Variants in TMEM72 observed in about 807,000 individuals in gnomAD.
TMEM72 encodes transmembrane protein 72.
In TMEM72, 9 loss-of-function variants were observed where a neutral mutation model predicts 16.3. The ratio of observed to expected loss-of-function variants is 0.55; its 90% CI spans 0.33 to 0.96. The LOEUF is 0.96. Ranked by LOEUF, TMEM72 falls within the 40% of genes least tolerant of loss-of-function variation. TMEM72 has a pLI of 0.03. For synonymous variants in TMEM72, 160 were observed against 146.5 expected, an observed-to-expected ratio of 1.09 and a Z score of -0.66; for missense variants, 324 against 337.8, an observed-to-expected ratio of 0.96 and a Z score of 0.32.
Position 44,934,915 on chromosome 10 carries a change from C to A in TMEM72, c.609C>A (p.Asn203Lys), listed in dbSNP as rs1401967552. The change falls in exon 5 of 5, where the codon AAC becomes AAA. Residue 203 changes from asparagine to lysine, a missense_variant. By Grantham distance (94) the Asn-to-Lys change is moderately conservative. Transcript: ENST00000389583. Reference sequence around the variant, plus strand: ...AGCCCAGTGCCCTCCAGCCCCCCAACACCCTGATGGAGCTGAGCCTGGAGC... The same window carrying A: ...AGCCCAGTGCCCTCCAGCCCCCCAAAACCCTGATGGAGCTGAGCCTGGAGC... ...TKKPSALQPP[N>K]TLMELSLEPA... 1 of 1,613,610 alleles carries A rather than the reference C, an allele frequency of 6.2e-7. No individual in the cohort carries two copies. The highest frequency in any genetic ancestry group is 8.5e-7 in the Non-Finnish European group (1 of 1,179,856).
chr10:44,931,900 G>T lies in TMEM72; in HGVS notation c.138-98G>T. ...GGGAATCCAGGTGAGTCCATTGGCT[G>T]TAGATGTGATGTCAGGAGGCCACGT... is the stretch of plus-strand genomic sequence containing the variant. On this transcript the variant is annotated intron_variant, in intron 2 of 4. Coordinates refer to ENST00000389583, the MANE Select transcript of TMEM72 (RefSeq NM_001123376.3). 3.3e-6 allele frequency: 4 copies of T among 1,219,852 alleles called. No homozygotes were observed. In the South Asian group the frequency reaches 5.3e-5, roughly 16 times the overall value. The allele number at this position is 1,219,852 out of a possible 1,614,324, so 75.6% of individuals were successfully genotyped here.
At chr10:44,923,337 CTT>C (rs1243820730) in intron 1 of TMEM72, 5 of 137,308 alleles carry the variant, frequency 3.6e-5, no homozygotes, top group Non-Finnish European at 8.1e-5. Context: ...CTCTCTCTCT[CTT>C]TCTCTTCCTT....
At chr10:44,926,545 A>G (rs989571161) in intron 1 of TMEM72, among the ~76,000 whole-genome samples, 1 of 152,126 alleles carries the variant, frequency 6.6e-6, no homozygotes, top group African/African-American at 2.4e-5. Context: ...GCCCACTAGC[A>G]TCATCTGTCC....
intron 1 of TMEM72, among the ~76,000 whole-genome samples, chr10:44,926,616 G>A (rs184651713): frequency 5.9e-5 from 9 of 152,292 alleles, no homozygotes; most frequent in African/African-American, 1.7e-4. Context: ...CTCGGTGTCC[G>A]CCTCCTGTGA....
rs771050531 is a variant in TMEM72 at position 44,934,923 on chromosome 10, T to G, written c.617T>G (p.Met206Arg). The G allele has an allele frequency of 1.2e-6, 2 of 1,613,568 alleles. No homozygotes were observed. The highest frequency in any genetic ancestry group is 2.7e-5 in the African/African-American group (2 of 74,920). ...PSALQPPNTL[M>R]ELSLEPADSL... ...GCCCTCCAGCCCCCCAACACCCTGATGGAGCTGAGCCTGGAGCCAGCCGAC... is the reference window on the plus strand; with the variant it reads ...GCCCTCCAGCCCCCCAACACCCTGAGGGAGCTGAGCCTGGAGCCAGCCGAC... The change falls in exon 5 of 5, where the codon ATG becomes AGG. Residue 206 changes from methionine to arginine, a missense_variant. By Grantham distance (91) the Met-to-Arg change is moderately conservative (BLOSUM62 -1). Coordinates refer to ENST00000389583, the MANE Select transcript of TMEM72 (RefSeq NM_001123376.3).
At chr10:44,917,838 A>G (rs1033260538) in intron 1 of TMEM72, among the ~76,000 whole-genome samples, 3 of 152,180 alleles carry the variant, frequency 2.0e-5, no homozygotes, top group Non-Finnish European at 4.4e-5. Context: ...AACACTGAGA[A>G]GGAATAGGAA....
At chr10:44,934,575 C>T (rs1367668014) in intron 4 of TMEM72, 81 bp from the exon 5 acceptor site, 5 of 1,384,644 alleles carry the variant, frequency 3.6e-6, no homozygotes, top group African/African-American at 2.9e-5. Flanking sequence ...GTTGCAGGAG[C>T]TCTGCTGCAC....
rs760728564 is a variant in TMEM72 at position 44,935,122 on chromosome 10, C to T, written c.816C>T (p.Thr272=). Residue 272 remains threonine (T), a synonymous_variant, in exon 5 of 5, where the codon ACC becomes ACT. Coordinates refer to ENST00000389583, the MANE Select transcript of TMEM72 (RefSeq NM_001123376.3). ...TCTTCCTGTCATCTCTTACAGCCAC[C>T]GGCCTGTTCTGAGCGCTTGCTCCAG... is the stretch of plus-strand genomic sequence containing the variant. ...APLFLSSLTA[T]GLF The T allele has an allele frequency of 3.7e-5, 59 of 1,592,794 alleles. No individual in the cohort carries two copies. The highest frequency in any genetic ancestry group is 1.2e-4 in the South Asian group (11 of 88,202).
At chr10:44,929,964 A>C (rs935797286) in intron 2 of TMEM72, among the ~76,000 whole-genome samples, 5 of 152,172 alleles carry the variant, frequency 3.3e-5, no homozygotes, top group African/African-American at 9.7e-5. Context: ...CCATGTCCCT[A>C]GCCGCTGTGC....
chr10:44,928,739 C>T (rs750610863), intron 2 of TMEM72, among the ~76,000 whole-genome samples: 14 of 151,884 alleles, frequency 9.2e-5, no homozygotes, highest in Non-Finnish European at 1.3e-4. Flanking sequence ...TCCATCCATA[C>T]ACCCACCCAT....
At chr10:44,927,616 T>A (rs534527488) in intron 1 of TMEM72, among the ~76,000 whole-genome samples, 49 of 152,268 alleles carry the variant, frequency 3.2e-4, no homozygotes, top group Non-Finnish European at 6.3e-4. Context: ...AGAGAACAGC[T>A]GTGAATCAAG....
chr10:44,929,068 G>A (rs11239282), intron 2 of TMEM72, among the ~76,000 whole-genome samples: 72,601 of 152,070 alleles, frequency 0.48, 18,082 homozygotes, highest in Non-Finnish European at 0.56. Context: ...TTACAGATGA[G>A]AAAATTCAGA....
chr10:44,911,458 G>A lies in TMEM72; in HGVS notation c.-55G>A, dbSNP rs1393022334. 7 of 1,535,624 alleles carry A rather than the reference G, an allele frequency of 4.6e-6. No individual in the cohort carries two copies. The highest frequency in any genetic ancestry group is 6.2e-6 in the Non-Finnish European group (7 of 1,136,842). ...CACAAGGGTGTTCGGGAGCATCTCA[G>A]GGCCGAAGACTTTGCTGCCTGCCCT... On this transcript the variant is annotated 5_prime_UTR_variant, in exon 1 of 5. Transcript: ENST00000389583.
chr10:44,923,542 A>G (rs1564435143), intron 1 of TMEM72, among the ~76,000 whole-genome samples: 1 of 152,208 alleles, frequency 6.6e-6, no homozygotes, highest in Non-Finnish European at 1.5e-5. Flanking sequence ...CAGCCAGCAC[A>G]TCGCTGAGAA....
intron 1 of TMEM72, among the ~76,000 whole-genome samples, chr10:44,916,180 C>T (rs1840011871): frequency 2.0e-5 from 3 of 152,176 alleles, no homozygotes; most frequent in Non-Finnish European, 4.4e-5. Context: ...ATGGCAGAGC[C>T]AGCAGGGCAT....
intron 3 of TMEM72, 29 bp downstream of exon 3, chr10:44,932,098 T>C (rs1356390486): frequency 1.2e-5 from 20 of 1,606,682 alleles, no homozygotes; most frequent in Middle Eastern, 3.5e-4. Context: ...GACCCCTCCA[T>C]TGTCCACCCC....
intron 2 of TMEM72, among the ~76,000 whole-genome samples, chr10:44,928,740 AC>A (rs1356389253): frequency 6.6e-6 from 1 of 151,642 alleles, no homozygotes; most frequent in East Asian, 1.9e-4. Context: ...CCATCCATAC[AC>A]CCACCCATCT....
At chr10:44,924,246 A>C (rs1201891371) in intron 1 of TMEM72, among the ~76,000 whole-genome samples, 2 of 152,054 alleles carry the variant, frequency 1.3e-5, no homozygotes, top group Non-Finnish European at 2.9e-5. Flanking sequence ...TGGCCCCTCC[A>C]TCTGCACAGG....
intron 2 of TMEM72, chr10:44,931,776 C>T: frequency 1.8e-6 from 1 of 558,942 alleles, no homozygotes; most frequent in Non-Finnish European, 3.2e-6. Flanking sequence ...ACGGTGCCCT[C>T]CCCACCCATC....
Sources: gnomAD v4.1 joint callset for allele counts (sites outside exome capture counted in the v4.1 genomes callset) on GRCh38, gnomAD v4.1.1 for gene constraint, MANE v1.5 for transcripts, NCBI Gene and HGNC (gene_info 2026-07-23, HGNC 2026-07-21) for gene names.